The following IGSF11 variants were observed in gnomAD, a reference collection of about 807,000 sequenced individuals.
IGSF11 encodes the protein CXADR like 1.
A neutral mutation model predicts 41.0 loss-of-function variants in IGSF11; 22 were observed. The ratio of observed to expected loss-of-function variants is 0.54; its 90% CI spans 0.38 to 0.77. The LOEUF is 0.77. Ranked by LOEUF, IGSF11 falls within the 30% of genes least tolerant of loss-of-function variation. The pLI is 0.00. For synonymous variants in IGSF11, 219 were observed against 201.3 expected (o/e 1.09, Z -0.74); for missense variants, 444 against 530.8 (o/e 0.84, Z 1.61).
intron 1 of IGSF11, among the ~76,000 whole-genome samples, chr3:119,121,834 C>T (rs979998794): frequency 6.6e-6 from 1 of 152,066 alleles, no homozygotes; most frequent in Non-Finnish European, 1.5e-5. Context: ...CTACCATGTA[C>T]AAGGAATCCT....
intron 2 of IGSF11, among the ~76,000 whole-genome samples, 189 bp downstream of exon 2, chr3:118,929,922 CT>C (rs941635926): frequency 1.3e-5 from 2 of 152,220 alleles, no homozygotes; most frequent in Non-Finnish European, 2.9e-5. Context: ...CATCTGTTAC[CT>C]TTTTAAAAAG....
intron 4 of IGSF11, among the ~76,000 whole-genome samples, chr3:118,917,045 T>A (rs1941203667): frequency 6.6e-6 from 1 of 152,188 alleles, no homozygotes; most frequent in South Asian, 2.1e-4. Flanking sequence ...AATAAAGATG[T>A]TCTTTGAAAC....
At chr3:119,092,174 G>A (rs1236907993) in intron 1 of IGSF11, among the ~76,000 whole-genome samples, 5 of 151,970 alleles carry the variant, frequency 3.3e-5, no homozygotes, top group African/African-American at 1.2e-4. Flanking sequence ...ACCACGCCCT[G>A]TGTTCGCGCT....
intron 1 of IGSF11, among the ~76,000 whole-genome samples, chr3:119,067,633 TTAGATTTTTTTTTAG>T (rs1323157091): frequency 2.6e-5 from 4 of 151,660 alleles, no homozygotes; most frequent in African/African-American, 7.3e-5. Context: ...GGAAAAAACT[TTAGATTTTTTTTTAG>T]ACATGCATCT....
At chr3:119,050,220 A>G (rs1362917518) in intron 1 of IGSF11, among the ~76,000 whole-genome samples, 4 of 152,034 alleles carry the variant, frequency 2.6e-5, no homozygotes, top group Admixed American at 6.6e-5. Context: ...GCAACCTACA[A>G]AATGGGAGAA....
At chr3:118,994,152 T>C (rs1267200671) in intron 1 of IGSF11, among the ~76,000 whole-genome samples, 3 of 152,230 alleles carry the variant, frequency 2.0e-5, no homozygotes, top group East Asian at 3.8e-4. Flanking sequence ...TATTCTCCTA[T>C]CAACCTGTGT....
intron 1 of IGSF11, among the ~76,000 whole-genome samples, chr3:118,975,860 A>G (rs1272720711): frequency 6.6e-6 from 1 of 152,078 alleles, no homozygotes. Context: ...GACACTGGGG[A>G]CTACTGGGGG....
chr3:119,121,594 G>A (rs572514141), intron 1 of IGSF11, among the ~76,000 whole-genome samples: 42 of 152,054 alleles, frequency 2.8e-4, no homozygotes, highest in African/African-American at 9.2e-4. Flanking sequence ...CAAGTATACC[G>A]CATATGCAAA....
intron 1 of IGSF11, among the ~76,000 whole-genome samples, chr3:119,091,858 A>AT (rs57180680): frequency 0.3 from 45,847 of 151,436 alleles, 7,153 homozygotes; most frequent in Middle Eastern, 0.41. Context: ...TAAATATTGA[A>AT]TTTTTTTTTA....
At position 119,041,350 on chromosome 3, in the gene IGSF11, G is replaced by A. The variant is rs184680547; in HGVS notation, c.49+63794C>T. On this transcript the variant is annotated intron_variant, in intron 1 of 6. Coordinates refer to the IGSF11 transcript ENST00000354673. Reference sequence around the variant, plus strand: ...TAATCTCAGCACTTTGGGAGGCCAAGGCAGGTGGATCACCTGAGGTCAAGA... The same window carrying A: ...TAATCTCAGCACTTTGGGAGGCCAAAGCAGGTGGATCACCTGAGGTCAAGA... 1.5e-3 allele frequency among the ~76,000 whole-genome samples: 236 copies of A among 152,304 alleles called. 1 individual carries two copies. Among genetic ancestry groups the A allele is most frequent in the African/African-American group, 5.1e-3 (212 of 41,560 alleles).
intron 1 of IGSF11, among the ~76,000 whole-genome samples, chr3:118,946,882 C>A (rs1461398193): frequency 6.6e-6 from 1 of 152,204 alleles, no homozygotes; most frequent in Non-Finnish European, 1.5e-5. Flanking sequence ...GAGGCCAAGG[C>A]GGGCGGATCA....
At chr3:119,130,646 G>T (rs1350618852) in intron 1 of IGSF11, among the ~76,000 whole-genome samples, 1 of 152,140 alleles carries the variant, frequency 6.6e-6, no homozygotes, top group Non-Finnish European at 1.5e-5. Context: ...TGAACAAAAG[G>T]CAGCAGACAA....
rs139984541 is a variant in IGSF11, at chr3:119,074,839, G to A, written c.49+30305C>T. On this transcript the variant is annotated intron_variant, in intron 1 of 6. Transcript: ENST00000354673. The stretch of plus-strand genomic sequence containing the variant: ...TGCACTCCAGCCTGGGCGACAGAGC[G>A]AGACTCCGTCTCAAAAAAATAAATA... Among the ~76,000 whole-genome samples the A allele has an allele frequency of 1.4e-3, 215 of 152,044 alleles. 1 individual carries two copies. Among genetic ancestry groups the A allele is most frequent in the Non-Finnish European group, 2.7e-3 (184 of 67,992 alleles).
chr3:118,944,539 T>A (rs960643215), intron 1 of IGSF11, among the ~76,000 whole-genome samples: 2 of 149,102 alleles, frequency 1.3e-5, no homozygotes, highest in Non-Finnish European at 3.0e-5. Context: ...TCCTTCAGAT[T>A]TCAAAATTCT....
chr3:119,040,727 C>T (rs1436547338), intron 1 of IGSF11, among the ~76,000 whole-genome samples: 1 of 152,114 alleles, frequency 6.6e-6, no homozygotes. Context: ...GATCATGACA[C>T]ATGTAGATAC....
chr3:119,139,433 C>G (rs35112424), intron 1 of IGSF11, among the ~76,000 whole-genome samples: 1 of 152,042 alleles, frequency 6.6e-6, no homozygotes, highest in East Asian at 1.9e-4. Flanking sequence ...AGGAGGTACC[C>G]GGTGGGAAAT....
intron 1 of IGSF11, among the ~76,000 whole-genome samples, chr3:119,075,940 C>T (rs2107473560): frequency 6.6e-6 from 1 of 152,260 alleles, no homozygotes; most frequent in South Asian, 2.1e-4. Flanking sequence ...CTAAAAAGAG[C>T]CCTCATTGAC....
chr3:119,106,349 C>T (rs968696274), upstream of IGSF11, among the ~76,000 whole-genome samples: 1 of 152,050 alleles, frequency 6.6e-6, no homozygotes, highest in South Asian at 2.1e-4. Flanking sequence ...TCACCATTTC[C>T]CCCCGAACTT....
At chr3:119,021,738 G>A (rs1939309473) in intron 1 of IGSF11, among the ~76,000 whole-genome samples, 1 of 152,124 alleles carries the variant, frequency 6.6e-6, no homozygotes, top group Admixed American at 6.5e-5. Context: ...GCTTACAGAA[G>A]ATACCAGGAA....
Sources: allele counts gnomAD v4.1 joint callset (sites outside exome capture counted in the v4.1 genomes callset), GRCh38; gene constraint gnomAD v4.1.1; transcripts MANE v1.5; gene names NCBI Gene and HGNC (gene_info 2026-07-23, HGNC 2026-07-21).